The following PHACTR1 variants were observed in gnomAD, a reference collection of about 807,000 sequenced individuals.
PHACTR1 encodes the protein RPEL repeat containing 1.
A neutral mutation model predicts 69.2 loss-of-function variants in PHACTR1; 16 were observed. The observed-to-expected ratio is 0.23, with a 90% CI of 0.16 to 0.35. PHACTR1 has a LOEUF of 0.35. PHACTR1 is among the 10% of genes least tolerant of loss of function. The pLI is 1.00. For synonymous variants in PHACTR1, 312 were observed against 284.5 expected, an observed-to-expected ratio of 1.10 and a Z score of -0.97; for missense variants, 510 against 734.7, an observed-to-expected ratio of 0.69 and a Z score of 3.54.
intron 4 of PHACTR1, among the ~76,000 whole-genome samples, chr6:12,925,462 G>C (rs182795272): frequency 6.6e-6 from 1 of 152,096 alleles, no homozygotes; most frequent in Non-Finnish European, 1.5e-5. Context: ...TCTTTCTAAG[G>C]TACGAAACTG....
intron 5 of PHACTR1, among the ~76,000 whole-genome samples, chr6:13,073,667 G>T (rs906313050): frequency 6.6e-6 from 1 of 151,828 alleles, no homozygotes; most frequent in African/African-American, 2.4e-5. Context: ...TATTGACAAA[G>T]AGATCTGGGA....
intron 3 of PHACTR1, among the ~76,000 whole-genome samples, chr6:12,730,835 T>C (rs1005585837): frequency 1.3e-5 from 2 of 152,286 alleles, no homozygotes; most frequent in African/African-American, 4.8e-5. Context: ...CTCCCACTTA[T>C]AAGTGAGAAC....
intron 4 of PHACTR1, among the ~76,000 whole-genome samples, chr6:12,761,519 A>G (rs1318500852): frequency 6.6e-6 from 1 of 152,222 alleles, no homozygotes; most frequent in Non-Finnish European, 1.5e-5. Flanking sequence ...AGACATTTTT[A>G]ACTTCTTAGT....
chr6:13,139,911 G>T (rs1434700907), intron 5 of PHACTR1, among the ~76,000 whole-genome samples: 1 of 152,080 alleles, frequency 6.6e-6, no homozygotes, highest in Non-Finnish European at 1.5e-5. Flanking sequence ...CCTTTGCAGA[G>T]AATTCAAAAG....
chr6:13,176,919 T>C (rs1761394965), intron 6 of PHACTR1, among the ~76,000 whole-genome samples: 1 of 152,036 alleles, frequency 6.6e-6, no homozygotes, highest in Admixed American at 6.6e-5. Flanking sequence ...AAAATCAGAT[T>C]TAGTGGTGAG....
intron 10 of PHACTR1, among the ~76,000 whole-genome samples, chr6:13,249,802 A>C (rs1267603718): frequency 7.9e-5 from 12 of 151,562 alleles, no homozygotes; most frequent in Non-Finnish European, 1.6e-4. Flanking sequence ...CGTCTCAAAA[A>C]AAAAAAAAAA....
intron 4 of PHACTR1, among the ~76,000 whole-genome samples, chr6:12,942,104 T>C (rs1000450862): frequency 1.3e-5 from 2 of 152,110 alleles, no homozygotes; most frequent in Admixed American, 6.5e-5. Flanking sequence ...TTCATTGACA[T>C]TGAGTTTCCA....
At chr6:12,994,975 C>T (rs1797254376) in intron 4 of PHACTR1, among the ~76,000 whole-genome samples, 1 of 151,954 alleles carries the variant, frequency 6.6e-6, no homozygotes, top group Non-Finnish European at 1.5e-5. Context: ...ACAAAGGAAT[C>T]GCCTGCCATT....
At chr6:12,963,470 A>C (rs1322603381) in intron 4 of PHACTR1, among the ~76,000 whole-genome samples, 2 of 151,572 alleles carry the variant, frequency 1.3e-5, no homozygotes. Flanking sequence ...AAAAAAACAA[A>C]CCAACTGACG....
At chr6:13,002,528 T>C (rs1246695379) in intron 4 of PHACTR1, among the ~76,000 whole-genome samples, 1 of 152,186 alleles carries the variant, frequency 6.6e-6, no homozygotes, top group Non-Finnish European at 1.5e-5. Flanking sequence ...AAAAGCACCA[T>C]GAGGAAAAGG....
At chr6:13,131,507 G>A (rs890386447) in intron 5 of PHACTR1, among the ~76,000 whole-genome samples, 2 of 152,016 alleles carry the variant, frequency 1.3e-5, no homozygotes, top group African/African-American at 4.8e-5. Flanking sequence ...TACACTGCTC[G>A]GATGAATGGG....
intron 4 of PHACTR1, among the ~76,000 whole-genome samples, chr6:12,880,915 A>G (rs1293875270): frequency 1.3e-5 from 2 of 152,170 alleles, no homozygotes; most frequent in Non-Finnish European, 2.9e-5. Context: ...CAGGCTGTGA[A>G]ATGTGATCTT....
chr6:13,198,795 T>A (rs1329302323), intron 7 of PHACTR1, among the ~76,000 whole-genome samples: 1 of 152,218 alleles, frequency 6.6e-6, no homozygotes, highest in Admixed American at 6.5e-5. Flanking sequence ...AAACTGAACA[T>A]CAAAGAGATT....
intron 8 of PHACTR1, among the ~76,000 whole-genome samples, chr6:13,227,093 A>G (rs1446342359): frequency 6.6e-6 from 1 of 152,222 alleles, no homozygotes; most frequent in Non-Finnish European, 1.5e-5. Flanking sequence ...CTTAAGAGGT[A>G]GAACCAAAAA....
At chr6:13,052,055 T>C (rs1454798565) in intron 4 of PHACTR1, among the ~76,000 whole-genome samples, 1 of 152,218 alleles carries the variant, frequency 6.6e-6, no homozygotes, top group African/African-American at 2.4e-5. Context: ...TCTGCTGACC[T>C]GAATCTTGGA....
intron 4 of PHACTR1, among the ~76,000 whole-genome samples, chr6:12,774,380 TTTGTTGTTG>T (rs56095538): frequency 1.2e-4 from 18 of 151,510 alleles, no homozygotes; most frequent in African/African-American, 2.4e-4. Context: ...ATATTTGGCT[TTTGTTGTTG>T]TTGTTGTTGT....
At position 12,955,192 on chromosome 6, in the gene PHACTR1, C is replaced by CTTTTTTTTTTTTTTTTTTTTTTTTT. The variant is rs1161324144; in HGVS notation, c.251-98153_251-98152insTTTTTTTTTTTTTTTTTTTTTTTTT. ...ATCTATGGCTCACATTGTATTTCCT[C>CTTTTTTTTTTTTTTTTTTTTTTTTT]TTTTTTTTTTTTTTTTTTTTGAGAG... is the stretch of plus-strand genomic sequence containing the variant. On this transcript the variant is annotated intron_variant, in intron 4 of 14. Transcript: ENST00000332995. Among the ~76,000 whole-genome samples the CTTTTTTTTTTTTTTTTTTTTTTTTT allele has an allele frequency of 5.0e-4, 52 of 103,288 alleles. 8 individuals carry two copies. The highest frequency in any genetic ancestry group is 2.7e-3 in the African/African-American group (52 of 19,524). The allele number at this position is 103,288 out of a possible 152,430, so 67.8% of individuals were successfully genotyped here.
chr6:13,193,700 T>G (rs368923831), intron 7 of PHACTR1, among the ~76,000 whole-genome samples: 7 of 152,034 alleles, frequency 4.6e-5, no homozygotes, highest in African/African-American at 1.7e-4. Context: ...GTATTTTCTT[T>G]TATATGATCT....
rs1770657091 is a variant in PHACTR1, at chr6:13,230,358, C to G, written c.1391+165C>G. Reference sequence around the variant, plus strand: ...CATGAGGTCAGGAGTTCAAGACCAGCCTGGCCAACATGGTGAAACCCCATC... The same window carrying G: ...CATGAGGTCAGGAGTTCAAGACCAGGCTGGCCAACATGGTGAAACCCCATC... On this transcript the variant is annotated intron_variant, in intron 10 of 14. Transcript: ENST00000332995. The G allele has an allele frequency of 2.1e-6, 3 of 1,439,992 alleles. No homozygotes were observed. In the East Asian group the frequency reaches 8.9e-5, roughly 43 times the overall value. The allele number at this position is 1,439,992 out of a possible 1,614,324, so 89.2% of individuals were successfully genotyped here. A position where few individuals can be genotyped will look rare whatever the true frequency, so the allele number is the denominator to read the frequency against.
Sources: gnomAD v4.1 joint callset for allele counts (sites outside exome capture counted in the v4.1 genomes callset) on GRCh38, gnomAD v4.1.1 for gene constraint, MANE v1.5 for transcripts, NCBI Gene and HGNC (gene_info 2026-07-23, HGNC 2026-07-21) for gene names.